The following RPP30 variants were observed in gnomAD, a reference collection of about 807,000 sequenced individuals.
RPP30 encodes the protein ribonuclease P protein subunit p30.
In RPP30, 36 loss-of-function variants were observed where a neutral mutation model predicts 38.6. The ratio of observed to expected loss-of-function variants is 0.93; its 90% CI spans 0.71 to 1.23. The LOEUF is 1.23. Ranked by LOEUF, RPP30 falls within the 50% of genes most tolerant of loss-of-function variation. RPP30 has a pLI of 0.00. For synonymous variants in RPP30, 126 were observed against 112.7 expected (o/e 1.12, Z -0.75); for missense variants, 321 against 321.7 (o/e 1.00, Z 0.02).
intron 6 of RPP30, among the ~76,000 whole-genome samples, chr10:90,892,019 G>A (rs750487901): frequency 2.8e-4 from 43 of 152,256 alleles, no homozygotes; most frequent in African/African-American, 4.8e-4. Flanking sequence ...CTTTCTTCTC[G>A]TCTTTCTCTA....
intron 6 of RPP30, among the ~76,000 whole-genome samples, chr10:90,889,841 C>G (rs1489316260): frequency 6.6e-6 from 1 of 152,126 alleles, no homozygotes; most frequent in Non-Finnish European, 1.5e-5. Flanking sequence ...TTCAATTATG[C>G]AATTTCCTCT....
intron 5 of RPP30, among the ~76,000 whole-genome samples, chr10:90,884,248 C>G (rs1846970829): frequency 6.6e-6 from 1 of 152,152 alleles, no homozygotes; most frequent in Non-Finnish European, 1.5e-5. Flanking sequence ...AGAGACTTCT[C>G]TATAGGAGAC....
In RPP30 at chr10:90,875,570, C is replaced by G. The variant is rs1846840450; in HGVS notation, c.151C>G (p.Pro51Ala). 1 of 1,613,122 alleles carries G rather than the reference C, an allele frequency of 6.2e-7. No homozygotes were observed. The highest frequency in any genetic ancestry group is 8.5e-7 in the Non-Finnish European group (1 of 1,179,392). ...TCGTTTGTTGTAGGAAATTGAAAAA[C>G]CAGTAGCTGTTTCTGAACTCTTCAC... ...FKEKKQEIEK[P>A]VAVSELFTTL... Residue 51 changes from proline (P) to alanine (A), a missense_variant, in exon 3 of 11, where the codon CCA becomes GCA. Physicochemically the swap from Pro to Ala is conservative, Grantham distance 27. Coordinates refer to ENST00000371703, the MANE Select transcript of RPP30 (RefSeq NM_006413.5).
chr10:90,874,807 C>A, intron 1 of RPP30, 62 bp from the exon 2 acceptor site: 1 of 1,120,134 alleles, frequency 8.9e-7, no homozygotes, highest in South Asian at 1.4e-5. Flanking sequence ...TCAGGATGGA[C>A]CTGTGTTACA....
intron 9 of RPP30, 116 bp downstream of exon 9, chr10:90,896,033 T>C: frequency 1.3e-6 from 1 of 784,824 alleles, no homozygotes; most frequent in Admixed American, 2.5e-5. Context: ...GTTTACCAAT[T>C]AATAACTTCA....
intron 5 of RPP30, 126 bp downstream of exon 5, chr10:90,879,260 A>G (rs1464925553): frequency 4.3e-6 from 3 of 702,440 alleles, no homozygotes; most frequent in Non-Finnish European, 7.2e-6. Flanking sequence ...TTATACTTGG[A>G]GTTTCTAGAA....
intron 7 of RPP30, chr10:90,895,215 A>G (rs1847126090): frequency 2.0e-6 from 1 of 497,430 alleles, no homozygotes; most frequent in Non-Finnish European, 3.5e-6. Context: ...CTTGTTTTTT[A>G]AACTTAATTC....
At chr10:90,889,615 G>T (rs1308226692) in intron 6 of RPP30, among the ~76,000 whole-genome samples, 1 of 152,000 alleles carries the variant, frequency 6.6e-6, no homozygotes, top group Non-Finnish European at 1.5e-5. Flanking sequence ...CACGATGTGG[G>T]CCCTTTTCTT....
rs1166991512 is a variant in RPP30, at chr10:90,902,088, C to T, written c.*1409C>T. On this transcript the variant is annotated 3_prime_UTR_variant, in exon 11 of 11. Transcript: ENST00000371703. The stretch of plus-strand genomic sequence containing the variant: ...CTGGGATTACAGGCGTTAGCCACTG[C>T]GCCCGGCCCGAGAAAATACAGTTTT... The T allele has an allele frequency of 1.5e-5, 15 of 990,232 alleles. No homozygotes were observed. The highest frequency in any genetic ancestry group is 8.8e-5 in the South Asian group (2 of 22,770). The allele number at this position is 990,232 out of a possible 1,614,324, so 61.3% of individuals were successfully genotyped here. A position where few individuals can be genotyped will look rare whatever the true frequency, so the allele number is the denominator to read the frequency against.
At chr10:90,898,518 A>T (rs1316058986) in intron 10 of RPP30, among the ~76,000 whole-genome samples, 1 of 152,208 alleles carries the variant, frequency 6.6e-6, no homozygotes, top group East Asian at 1.9e-4. Context: ...ACTCTCATTG[A>T]TGAAATCTCA....
intron 6 of RPP30, among the ~76,000 whole-genome samples, chr10:90,889,476 A>C (rs1847046404): frequency 6.7e-6 from 1 of 148,740 alleles, no homozygotes; most frequent in African/African-American, 2.5e-5. Context: ...CAGCTGGCTA[A>C]TTTTTTTTTT....
downstream of RPP30, chr10:90,903,125 G>T (rs1847221184): frequency 1.2e-6 from 1 of 821,302 alleles, no homozygotes; most frequent in Non-Finnish European, 2.1e-6. Context: ...ACAAATTTGG[G>T]GGTGATCAGT....
intron 1 of RPP30, among the ~76,000 whole-genome samples, chr10:90,874,640 GTGT>G (rs1846826623): frequency 2.0e-5 from 3 of 152,216 alleles, no homozygotes; most frequent in Admixed American, 2.0e-4. Context: ...TATGAAGAAA[GTGT>G]TGTTATTTTC....
chr10:90,892,833 G>A (rs1220572525), intron 6 of RPP30, among the ~76,000 whole-genome samples: 2 of 152,148 alleles, frequency 1.3e-5, no homozygotes, highest in Non-Finnish European at 2.9e-5. Context: ...CTTTGATGAT[G>A]GATCATCTAT....
downstream of RPP30, chr10:90,905,504 TC>T (rs1847244587): frequency 6.6e-6 from 1 of 152,246 alleles, no homozygotes; most frequent in Non-Finnish European, 1.5e-5. Flanking sequence ...ATTTGCCTCT[TC>T]TGCCCTGTTC....
intron 10 of RPP30, 103 bp from the exon 11 acceptor site, chr10:90,900,467 C>G: frequency 1.7e-6 from 2 of 1,153,524 alleles, no homozygotes; most frequent in Non-Finnish European, 1.2e-6. Flanking sequence ...TTCATTATGG[C>G]TTATCATTTG....
downstream of RPP30, chr10:90,903,276 G>T (rs773490685): frequency 1.3e-6 from 2 of 1,594,144 alleles, no homozygotes; most frequent in Non-Finnish European, 1.7e-6. Flanking sequence ...TTCTTTAAAA[G>T]GTTGGTACCC....
At chr10:90,895,709 T>C in intron 8 of RPP30, 171 bp from the exon 9 acceptor site, 1 of 537,938 alleles carries the variant, frequency 1.9e-6, no homozygotes, top group East Asian at 3.3e-5. Context: ...AAAATGCCTT[T>C]CAAGCTTCTC....
intron 10 of RPP30, among the ~76,000 whole-genome samples, chr10:90,899,813 T>C (rs1041201606): frequency 6.6e-6 from 1 of 152,228 alleles, no homozygotes; most frequent in Non-Finnish European, 1.5e-5. Flanking sequence ...TTTGCTCTTA[T>C]TGTGCTTCTC....
Sources: gnomAD v4.1 joint callset for allele counts (sites outside exome capture counted in the v4.1 genomes callset) on GRCh38, gnomAD v4.1.1 for gene constraint, MANE v1.5 for transcripts, NCBI Gene and HGNC (gene_info 2026-07-23, HGNC 2026-07-21) for gene names.